Variants in DOCK9 observed in about 807,000 individuals in gnomAD.
DOCK9 encodes dedicator of cytokinesis protein 9.
DOCK9 carries 89 observed loss-of-function variants against 263.3 expected under a neutral mutation model. The ratio of observed to expected loss-of-function variants is 0.34; its 90% CI spans 0.28 to 0.40. The LOEUF is 0.40. DOCK9 is among the 10% of genes least tolerant of loss of function. DOCK9 has a pLI of 1.00. For missense variants in DOCK9, 2,140 were observed against 2,603.4 expected, an observed-to-expected ratio of 0.82 and a Z score of 3.87; for synonymous variants, 976 against 973.1, an observed-to-expected ratio of 1.00 and a Z score of -0.06.
In DOCK9 at chr13:99,026,093, A is replaced by C. The variant is rs569870004; in HGVS notation, c.129+60130T>G. 7.3e-4 allele frequency among the ~76,000 whole-genome samples: 39 copies of C among 53,354 alleles called. 2 individuals carry two copies. The South Asian group carries it at 0.017, about 23-fold the overall frequency. 35.0% of individuals were successfully genotyped at this position (53,354 alleles called of 152,430 possible). A position where few individuals can be genotyped will look rare whatever the true frequency, so the allele number is the denominator to read the frequency against. On this transcript the variant is annotated intron_variant, in intron 1 of 32. Coordinates refer to the DOCK9 transcript ENST00000427887. ...CTCCGTCTCAAAAAAAAAAAAAAAA[A>C]AAAAAACAGTTCCCTAGGGCTAGGG...
At chr13:98,877,877 C>A (rs1325834978) in intron 27 of DOCK9, among the ~76,000 whole-genome samples, 1 of 152,290 alleles carries the variant, frequency 6.6e-6, no homozygotes, top group East Asian at 1.9e-4. Context: ...GTTACCATTG[C>A]ATTTAAGGGA....
At chr13:99,073,620 T>C (rs915918270) in intron 1 of DOCK9, among the ~76,000 whole-genome samples, 1 of 152,182 alleles carries the variant, frequency 6.6e-6, no homozygotes, top group African/African-American at 2.4e-5. Flanking sequence ...GGCAGCTTTA[T>C]AGAAAAGGGC....
intron 1 of DOCK9, 82 bp downstream of exon 1, chr13:98,977,702 A>G (rs894625223): frequency 8.4e-7 from 1 of 1,188,562 alleles, no homozygotes; most frequent in Non-Finnish European, 1.2e-6. Flanking sequence ...AAGACAGGCA[A>G]CAGGCGTCAA....
At chr13:98,888,906 C>G (rs2046209884) in intron 15 of DOCK9, among the ~76,000 whole-genome samples, 195 bp from the exon 16 acceptor site, 2 of 152,106 alleles carry the variant, frequency 1.3e-5, no homozygotes, top group East Asian at 3.8e-4. Flanking sequence ...CCCAATAGGT[C>G]CAAAATATTA....
At chr13:98,952,064 A>G (rs1286897214) in intron 2 of DOCK9, among the ~76,000 whole-genome samples, 1 of 149,792 alleles carries the variant, frequency 6.7e-6, no homozygotes, top group Non-Finnish European at 1.5e-5. Flanking sequence ...TGCCTGGCTA[A>G]TTTTTGTATT....
rs185570546 is a variant in DOCK9, at chr13:98,885,260, G to A, written c.2261-168C>T. 6 of 952,292 alleles carry A rather than the reference G, an allele frequency of 6.3e-6. No individual in the cohort carries two copies. In the Admixed American group the frequency reaches 1.4e-4, roughly 23 times the overall value. The allele number at this position is 952,292 out of a possible 1,614,324, so 59.0% of individuals were successfully genotyped here. ...ATCTCTGCAGAACATTGTCTACAAT[G>A]TACTTAGGCCTTTTCGGGGTTAGAA... is the stretch of plus-strand genomic sequence containing the variant. On this transcript the variant is annotated intron_variant, in intron 20 of 52. Coordinates refer to ENST00000682017, the MANE Select transcript of DOCK9 (RefSeq NM_001366683.2).
At chr13:98,998,332 C>T (rs1395528415) in intron 1 of DOCK9, among the ~76,000 whole-genome samples, 1 of 152,188 alleles carries the variant, frequency 6.6e-6, no homozygotes, top group Non-Finnish European at 1.5e-5. Context: ...GCAAACTCTG[C>T]TCACCCTCTG....
chr13:99,038,810 T>A (rs929687530), intron 1 of DOCK9, among the ~76,000 whole-genome samples: 3 of 152,240 alleles, frequency 2.0e-5, no homozygotes, highest in Non-Finnish European at 2.9e-5. Flanking sequence ...AAGTAGTACC[T>A]AGAAGTTATT....
chr13:99,012,552 T>C (rs1000297581), intron 1 of DOCK9, among the ~76,000 whole-genome samples: 5 of 151,908 alleles, frequency 3.3e-5, no homozygotes, highest in African/African-American at 1.2e-4. Context: ...CCACCTGAGC[T>C]GGAGGTAGGA....
At chr13:98,891,039 C>A (rs2046538769) in intron 15 of DOCK9, among the ~76,000 whole-genome samples, 1 of 152,112 alleles carries the variant, frequency 6.6e-6, no homozygotes, top group Non-Finnish European at 1.5e-5. Flanking sequence ...CCAAGCACTC[C>A]CCTACAGTTT....
Position 98,923,339 on chromosome 13 carries a change from T to C in DOCK9, c.449A>G (p.His150Arg). Residue 150 changes from histidine to arginine, a missense_variant, in exon 5 of 53, where the codon CAT becomes CGT. His to Arg is a conservative substitution (Grantham distance 29). Coordinates refer to ENST00000682017, the MANE Select transcript of DOCK9 (RefSeq NM_001366683.2). ...GACCTCCTCGTCAACTTCATAGACA[T>C]GAACTGGAAGTTTATCCAACTTGAC... The part of the protein sequence containing the change: ...KVVKLDKLPV[H>R]VYEVDEEVDK... 3.7e-6 allele frequency: 6 copies of C among 1,613,908 alleles called. No homozygotes were observed. The highest frequency in any genetic ancestry group is 4.2e-6 in the Non-Finnish European group (5 of 1,179,824).
At chr13:98,983,485 G>A (rs1370758768) in intron 1 of DOCK9, among the ~76,000 whole-genome samples, 1 of 152,170 alleles carries the variant, frequency 6.6e-6, no homozygotes, top group Non-Finnish European at 1.5e-5. Flanking sequence ...TACAGCAAGA[G>A]AAGATGTGGT....
intron 14 of DOCK9, 119 bp downstream of exon 14, chr13:98,898,060 A>G (rs1232334341): frequency 2.8e-6 from 2 of 716,570 alleles, no homozygotes; most frequent in Non-Finnish European, 4.6e-6. Flanking sequence ...GGGCTTATGT[A>G]TTTCTCAGTT....
intron 2 of DOCK9, among the ~76,000 whole-genome samples, chr13:98,946,909 T>G (rs557662699): frequency 1.7e-4 from 26 of 152,344 alleles, no homozygotes; most frequent in Middle Eastern, 3.4e-3. Context: ...TTCCTGGTTC[T>G]TATCCTAACT....
At chr13:98,805,417 G>GCA (rs746276113) in intron 48 of DOCK9, among the ~76,000 whole-genome samples, 2 of 151,854 alleles carry the variant, frequency 1.3e-5, no homozygotes, top group Non-Finnish European at 2.9e-5. Context: ...TTATGGATGT[G>GCA]CACACACACA....
chr13:98,840,619 G>A (rs189358520), intron 38 of DOCK9, among the ~76,000 whole-genome samples: 7 of 152,080 alleles, frequency 4.6e-5, no homozygotes, highest in Admixed American at 4.6e-4. Flanking sequence ...CTGACACATC[G>A]GCGAACCTCC....
intron 1 of DOCK9, among the ~76,000 whole-genome samples, chr13:98,986,432 G>T (rs1878464448): frequency 6.6e-6 from 1 of 152,180 alleles, no homozygotes. Flanking sequence ...AGGTTACAAG[G>T]GTAAAGTCCA....
At chr13:98,887,143 A>ATATATTTT (rs1470080750) in intron 18 of DOCK9, among the ~76,000 whole-genome samples, 5 of 95,292 alleles carry the variant, frequency 5.2e-5, no homozygotes, top group African/African-American at 2.2e-4. Flanking sequence ...ATATATATAT[A>ATATATTTT]TTTTTTTTTT....
rs73560669 is a variant in DOCK9 at position 98,925,577 on chromosome 13, T to C, written c.416+260A>G. ...TTTTGTAGTGAAAAAATTTCACCTATTTATTTATCAGTGGTACCCTGAAAA... is the reference window on the plus strand; with the variant it reads ...TTTTGTAGTGAAAAAATTTCACCTACTTATTTATCAGTGGTACCCTGAAAA... On this transcript the variant is annotated intron_variant, in intron 4 of 52. Coordinates refer to ENST00000682017, the MANE Select transcript of DOCK9 (RefSeq NM_001366683.2). 7.6e-3 allele frequency among the ~76,000 whole-genome samples: 1,163 copies of C among 152,348 alleles called. 15 individuals are homozygous for C. Among genetic ancestry groups the C allele is most frequent in the African/African-American group, 0.027 (1,127 of 41,564 alleles).
Sources: gnomAD v4.1 joint callset for allele counts (sites outside exome capture counted in the v4.1 genomes callset) on GRCh38, gnomAD v4.1.1 for gene constraint, MANE v1.5 for transcripts, NCBI Gene and HGNC (gene_info 2026-07-23, HGNC 2026-07-21) for gene names.